The following GREB1 variants were observed in gnomAD, a reference collection of about 807,000 sequenced individuals.
The protein encoded by GREB1 is protein GREB1.
A neutral mutation model predicts 200.7 loss-of-function variants in GREB1; 106 were observed. That is an observed-to-expected ratio of 0.53 (90% confidence interval 0.45 to 0.62). The LOEUF is 0.62. Among genes scored for constraint, GREB1 ranks in the 20% least tolerant of loss-of-function variants. The pLI, the probability that GREB1 is intolerant of heterozygous loss-of-function variation, is 0.00. For missense variants in GREB1, 2,243 were observed against 2,556.8 expected (o/e 0.88, Z 2.65); for synonymous variants, 1,132 against 1,092.4 (o/e 1.04, Z -0.72).
chr2:11,630,188 C>T (rs1298222059), intron 26 of GREB1, 79 bp downstream of exon 26: 1 of 1,416,054 alleles, frequency 7.1e-7, no homozygotes, highest in African/African-American at 1.4e-5. Flanking sequence ...GACAGAGCTT[C>T]CTGTGAGGGA....
chr2:11,576,419 A>T lies in GREB1; in HGVS notation c.521A>T (p.His174Leu). ...GFCYFTEFSN[H>L]INLKLTTQPK... Reference sequence around the variant, plus strand: ...TGTTACTTCACGGAATTCTCCAATCATATAAATCTGAAACTGACCACTCAA... The same window carrying T: ...TGTTACTTCACGGAATTCTCCAATCTTATAAATCTGAAACTGACCACTCAA... Residue 174 changes from histidine (H) to leucine (L), a missense_variant, in exon 5 of 33, where the codon CAT becomes CTT. By Grantham distance (99) the His-to-Leu change is moderately conservative (BLOSUM62 -3). Coordinates refer to ENST00000381486, the MANE Select transcript of GREB1 (RefSeq NM_014668.4). The T allele has an allele frequency of 6.2e-7, 1 of 1,614,046 alleles. No individual in the cohort carries two copies. The highest frequency in any genetic ancestry group is 8.5e-7 in the Non-Finnish European group (1 of 1,179,850).
In GREB1 at chr2:11,635,286, G is replaced by A. The variant is rs781640393; in HGVS notation, c.5227G>A (p.Val1743Ile). The stretch of plus-strand genomic sequence containing the variant: ...CCTGAGTAGGTTCCTGTGTGACGAT[G>A]TAGACTTCAACCTGCGGGTGCACAG... ...YNQNRFLCDD[V>I]DFNLRVHSAG... The change falls in exon 30 of 33, where the codon GTA (valine) becomes ATA (isoleucine). Residue 1743 changes from valine to isoleucine, a missense_variant. Val to Ile is a conservative substitution (Grantham distance 29, BLOSUM62 3). Transcript: ENST00000381486. The A allele has an allele frequency of 3.1e-6, 5 of 1,614,086 alleles. No homozygotes were observed. Among genetic ancestry groups the A allele is most frequent in the African/African-American group, 2.7e-5 (2 of 74,942 alleles).
chr2:11,586,448 G>T (rs762150264), intron 9 of GREB1, among the ~76,000 whole-genome samples: 1 of 152,224 alleles, frequency 6.6e-6, no homozygotes, highest in Non-Finnish European at 1.5e-5. Context: ...CGTACGCTAC[G>T]TGGGGGTAGA....
intron 15 of GREB1, 62 bp downstream of exon 15, chr2:11,598,922 T>C (rs1264852269): frequency 7.3e-7 from 1 of 1,377,184 alleles, no homozygotes; most frequent in Non-Finnish European, 1.0e-6. Flanking sequence ...TGTATGTGGA[T>C]GTTCCCGGGG....
intron 25 of GREB1, among the ~76,000 whole-genome samples, chr2:11,627,462 C>T (rs776479399): frequency 6.6e-6 from 1 of 152,232 alleles, no homozygotes; most frequent in Non-Finnish European, 1.5e-5. Context: ...TGTCCCCATC[C>T]TCCATGCTCA....
At chr2:11,632,680 C>A (rs1394270462) in intron 27 of GREB1, among the ~76,000 whole-genome samples, 1 of 152,218 alleles carries the variant, frequency 6.6e-6, no homozygotes, top group East Asian at 1.9e-4. Context: ...CATAAGAAAG[C>A]AAATTTGTGT....
rs1278697672 is a variant in GREB1 at position 11,548,265 on chromosome 2, CAT to C, written c.-161-8188_-161-8187del. The stretch of plus-strand genomic sequence containing the variant: ...ACATACCCAAACATATGTGCACACA[CAT>C]GTACAGCCAGACACATGCACACACG... On this transcript the variant is annotated intron_variant, in intron 1 of 32. Coordinates refer to ENST00000381486, the MANE Select transcript of GREB1 (RefSeq NM_014668.4). The surrounding 1 kb of genome is among the most constrained non-coding windows in gnomAD (Gnocchi z 5.1). Among the ~76,000 whole-genome samples, 1 of 142,552 alleles carries C rather than the reference CAT, an allele frequency of 7.0e-6. No homozygotes were observed. The highest frequency in any genetic ancestry group is 1.5e-5 in the Non-Finnish European group (1 of 66,196). The allele number at this position is 142,552 out of a possible 152,430, so 93.5% of individuals were successfully genotyped here.
chr2:11,637,477 T>C (rs991386695), intron 30 of GREB1, among the ~76,000 whole-genome samples: 1 of 152,202 alleles, frequency 6.6e-6, no homozygotes, highest in African/African-American at 2.4e-5. Context: ...CATGGAATGA[T>C]CAGTGTCTAT....
rs779102353 is a variant in GREB1 at position 11,548,223 on chromosome 2, CAT to C, written c.-161-8230_-161-8229del. ...ACATTCTCACATGCACACAGCCAGA[CAT>C]GTGCACACATGTGCACATACCCAAA... On this transcript the variant is annotated intron_variant, in intron 1 of 32. Coordinates refer to ENST00000381486, the MANE Select transcript of GREB1 (RefSeq NM_014668.4). The surrounding 1 kb of genome is among the most constrained non-coding windows in gnomAD (Gnocchi z 5.1). Among the ~76,000 whole-genome samples, 4 of 151,858 alleles carry C rather than the reference CAT, an allele frequency of 2.6e-5. No individual in the cohort carries two copies. Among genetic ancestry groups the C allele is most frequent in the South Asian group, 2.1e-4 (1 of 4,828 alleles).
intron 3 of GREB1, 130 bp downstream of exon 3, chr2:11,562,712 A>G: frequency 8.7e-7 from 1 of 1,144,704 alleles, no homozygotes; most frequent in Non-Finnish European, 1.2e-6. Flanking sequence ...GCTTTCCCTG[A>G]GGTGTGAGCC....
intron 1 of GREB1, among the ~76,000 whole-genome samples, chr2:11,521,399 T>C (rs1222231595): frequency 6.6e-6 from 1 of 152,212 alleles, no homozygotes; most frequent in Non-Finnish European, 1.5e-5. Context: ...CATGAACCAT[T>C]GTGCCCGGCC....
chr2:11,610,780 TGAA>T lies in GREB1; in HGVS notation c.2763_2765del (p.Lys921del), dbSNP rs763354513. Reference sequence around the variant, plus strand: ...ATGGCCGTAAGCGGCCTCCCGCAGATGAAGAACTACACGTCGGTGGAGACGCTG... The same window carrying T: ...ATGGCCGTAAGCGGCCTCCCGCAGATGAACTACACGTCGGTGGAGACGCTG... On this transcript the variant is annotated inframe_deletion, in exon 18 of 33. Coordinates refer to ENST00000381486, the MANE Select transcript of GREB1 (RefSeq NM_014668.4). 1 of 1,613,576 alleles carries T rather than the reference TGAA, an allele frequency of 6.2e-7. No homozygotes were observed. The highest frequency in any genetic ancestry group is 8.5e-7 in the Non-Finnish European group (1 of 1,179,998).
intron 1 of GREB1, among the ~76,000 whole-genome samples, chr2:11,543,178 G>C (rs1674930390): frequency 6.6e-6 from 1 of 152,164 alleles, no homozygotes; most frequent in African/African-American, 2.4e-5. Flanking sequence ...GGGGATAAGA[G>C]ACTAAATGAT....
At chr2:11,553,490 A>G (rs1369874870) in intron 1 of GREB1, among the ~76,000 whole-genome samples, 3 of 124,484 alleles carry the variant, frequency 2.4e-5, no homozygotes, top group Non-Finnish European at 4.4e-5. Flanking sequence ...GTCTCAAAAA[A>G]CAAACAAACA....
intron 23 of GREB1, 29 bp downstream of exon 23, chr2:11,621,036 C>T: frequency 8.3e-7 from 1 of 1,208,088 alleles, no homozygotes; most frequent in Non-Finnish European, 1.2e-6. Flanking sequence ...GTTATGTGGG[C>T]TTGGAGCCAC....
At chr2:11,512,678 A>G (rs1673385163) in intron 1 of GREB1, among the ~76,000 whole-genome samples, 3 of 152,204 alleles carry the variant, frequency 2.0e-5, no homozygotes, top group Admixed American at 1.3e-4. Flanking sequence ...CTTTGCTCAA[A>G]TCAACCACCA....
Position 11,641,310 on chromosome 2 carries a change from T to C in GREB1, c.*856T>C, listed in dbSNP as rs1685791986. On this transcript the variant is annotated 3_prime_UTR_variant, in exon 33 of 33. Coordinates refer to ENST00000381486, the MANE Select transcript of GREB1 (RefSeq NM_014668.4). ...GACTTATGACTGTAGTTTACTAGAG[T>C]TTAGTTTTCAGTTGCTGAAGTAGCT... The C allele has an allele frequency of 6.6e-6, 1 of 152,094 alleles. No individual in the cohort carries two copies. The highest frequency in any genetic ancestry group is 2.4e-5 in the African/African-American group (1 of 41,404). 9.4% of individuals were successfully genotyped at this position (152,094 alleles called of 1,614,324 possible). A position where few individuals can be genotyped will look rare whatever the true frequency, so the allele number is the denominator to read the frequency against.
chr2:11,596,296 G>A, intron 13 of GREB1, 57 bp downstream of exon 13: 1 of 1,544,124 alleles, frequency 6.5e-7, no homozygotes, highest in South Asian at 1.2e-5. Flanking sequence ...GTGATGAGGG[G>A]CAGGGTCAGT....
chr2:11,588,415 G>A (rs1353984430), intron 9 of GREB1: 11 of 526,688 alleles, frequency 2.1e-5, no homozygotes, highest in Middle Eastern at 7.2e-4. Flanking sequence ...TGTCCCATTG[G>A]TGGTGCTGGA....
Sources: gnomAD v4.1 joint callset for allele counts (sites outside exome capture counted in the v4.1 genomes callset) on GRCh38, gnomAD v4.1.1 for gene constraint, Gnocchi (gnomAD v3.1) non-coding constraint, MANE v1.5 for transcripts, NCBI Gene and HGNC (gene_info 2026-07-23, HGNC 2026-07-21) for gene names.